Variants in CAPZA1 observed in about 807,000 individuals in gnomAD.
CAPZA1 encodes capping actin protein of muscle Z-line subunit alpha 1.
A neutral mutation model predicts 40.8 loss-of-function variants in CAPZA1; 10 were observed. The observed-to-expected ratio is 0.25, with a 90% CI of 0.15 to 0.42. The LOEUF is 0.42. Ranked by LOEUF, CAPZA1 falls within the 10% of genes least tolerant of loss-of-function variation. CAPZA1 has a pLI of 1.00. For missense variants in CAPZA1, 277 were observed against 353.8 expected (o/e 0.78, Z 1.74); for synonymous variants, 98 against 115.0 (o/e 0.85, Z 0.95).
intron 7 of CAPZA1, among the ~76,000 whole-genome samples, 181 bp downstream of exon 7, chr1:112,659,960 G>T (rs1437398943): frequency 6.6e-6 from 1 of 151,916 alleles, no homozygotes; most frequent in East Asian, 1.9e-4. Flanking sequence ...AGTTGATAAA[G>T]GATAGCATGT....
intron 8 of CAPZA1, among the ~76,000 whole-genome samples, chr1:112,668,673 A>G (rs1053122818): frequency 1.3e-4 from 20 of 152,008 alleles, no homozygotes; most frequent in African/African-American, 4.6e-4. Flanking sequence ...TTTAGTAGAG[A>G]CAGGGTTTCA....
rs1671804016 is a variant in CAPZA1, at chr1:112,670,351, A to C, written c.*219A>C. On this transcript the variant is annotated 3_prime_UTR_variant, in exon 10 of 10. Coordinates refer to ENST00000263168, the MANE Select transcript of CAPZA1 (RefSeq NM_006135.3). ...TCTGTTACTGCTATATCTACGTGTA[A>C]ATCTTTTTTTCTTTTTTTTTTTTTT... 3.1e-6 allele frequency: 1 copy of C among 322,794 alleles called. No individual in the cohort carries two copies. The highest frequency in any genetic ancestry group is 5.7e-5 in the Admixed American group (1 of 17,428). The allele number at this position is 322,794 out of a possible 1,614,324, so 20.0% of individuals were successfully genotyped here. A position where few individuals can be genotyped will look rare whatever the true frequency, so the allele number is the denominator to read the frequency against.
In CAPZA1 at chr1:112,670,354, CTTTTTTTCTTTTTT is replaced by C; in HGVS notation, c.*230_*243del. 1 of 130,142 alleles carries C rather than the reference CTTTTTTTCTTTTTT, an allele frequency of 7.7e-6. No homozygotes were observed. Among genetic ancestry groups the C allele is most frequent in the African/African-American group, 4.7e-5 (1 of 21,352 alleles). 8.1% of individuals were successfully genotyped at this position (130,142 alleles called of 1,614,324 possible). ...GTTACTGCTATATCTACGTGTAAAT[CTTTTTTTCTTTTTT>C]TTTTTTTTTTTTTGGTTAATTCTGC... On this transcript the variant is annotated 3_prime_UTR_variant, in exon 10 of 10. Coordinates refer to ENST00000263168, the MANE Select transcript of CAPZA1 (RefSeq NM_006135.3).
At chr1:112,662,711 T>C (rs1026520068) in intron 7 of CAPZA1, among the ~76,000 whole-genome samples, 6 of 151,792 alleles carry the variant, frequency 4.0e-5, no homozygotes, top group Admixed American at 2.0e-4. Flanking sequence ...GAATTTTTCA[T>C]TGAGATCAAA....
At chr1:112,632,578 C>T (rs184650864) in intron 1 of CAPZA1, among the ~76,000 whole-genome samples, 27 of 149,982 alleles carry the variant, frequency 1.8e-4, no homozygotes, top group African/African-American at 6.4e-4. Context: ...GGCAGGGAGG[C>T]GGGGTGGGGT....
chr1:112,638,974 A>C (rs1023315243), intron 1 of CAPZA1, among the ~76,000 whole-genome samples: 26 of 144,880 alleles, frequency 1.8e-4, no homozygotes, highest in Non-Finnish European at 3.3e-4. Context: ...ATAGAGAGAG[A>C]ATAATTTATA....
intron 1 of CAPZA1, among the ~76,000 whole-genome samples, chr1:112,634,281 G>A (rs17030597): frequency 0.011 from 1,704 of 152,152 alleles, 41 homozygotes; most frequent in East Asian, 0.094. Context: ...AAATATTTAC[G>A]GAGGCATAGT....
intron 1 of CAPZA1, chr1:112,646,658 TATTAA>T (rs1472190104): frequency 6.6e-6 from 1 of 152,200 alleles, no homozygotes; most frequent in Non-Finnish European, 1.5e-5. Context: ...GGTAGTCCTT[TATTAA>T]ATTAAAGGTG....
intron 3 of CAPZA1, chr1:112,649,729 T>G: frequency 2.1e-6 from 1 of 483,190 alleles, no homozygotes; most frequent in Non-Finnish European, 3.6e-6. Context: ...TAATGTTAGC[T>G]GTTAGGTTTT....
intron 7 of CAPZA1, among the ~76,000 whole-genome samples, chr1:112,662,426 T>TCTCG (rs1472265389): frequency 8.0e-6 from 1 of 124,878 alleles, no homozygotes; most frequent in African/African-American, 2.9e-5. Context: ...TGAGACAGAG[T>TCTCG]CTCGCTCTGT....
rs1671818739 is a variant in CAPZA1, at chr1:112,670,931, A to G, written c.*799A>G. On this transcript the variant is annotated 3_prime_UTR_variant, in exon 10 of 10. Transcript: ENST00000263168. ...TGCTGACGTACTGTGGATGTAGAGT[A>G]TAAAACTTGAAAAATGCAGATGTTG... is the stretch of plus-strand genomic sequence containing the variant. The G allele has an allele frequency of 6.5e-6, 1 of 152,692 alleles. No individual in the cohort carries two copies. The highest frequency in any genetic ancestry group is 2.4e-5 in the African/African-American group (1 of 41,468). 9.5% of individuals were successfully genotyped at this position (152,692 alleles called of 1,614,324 possible). A position where few individuals can be genotyped will look rare whatever the true frequency, so the allele number is the denominator to read the frequency against.
intron 1 of CAPZA1, among the ~76,000 whole-genome samples, chr1:112,637,166 T>G (rs1003759133): frequency 6.6e-6 from 1 of 152,256 alleles, no homozygotes; most frequent in Non-Finnish European, 1.5e-5. Flanking sequence ...GACAAGGCAC[T>G]TACACTCCCT....
At chr1:112,636,307 TTTATTA>T (rs1222453821) in intron 1 of CAPZA1, among the ~76,000 whole-genome samples, 1 of 152,198 alleles carries the variant, frequency 6.6e-6, no homozygotes, top group Non-Finnish European at 1.5e-5. Flanking sequence ...CAAGGATTGG[TTTATTA>T]TTATTTCCCC....
Position 112,633,396 on chromosome 1 carries a change from C to T in CAPZA1, c.39+13513C>T, listed in dbSNP as rs1670959136. 2.0e-5 allele frequency among the ~76,000 whole-genome samples: 3 copies of T among 152,126 alleles called. No individual in the cohort carries two copies. In the South Asian group the frequency reaches 6.2e-4, roughly 32 times the overall value. ...TTAGCATATATCTTTCAGGTCCATC[C>T]TTGTTGTTGCAAAAGACAGAATTTC... On this transcript the variant is annotated intron_variant, in intron 1 of 9. Coordinates refer to ENST00000263168, the MANE Select transcript of CAPZA1 (RefSeq NM_006135.3).
At chr1:112,651,584 A>G (rs538387483) in intron 3 of CAPZA1, among the ~76,000 whole-genome samples, 4 of 152,354 alleles carry the variant, frequency 2.6e-5, no homozygotes, top group South Asian at 2.1e-4. Flanking sequence ...GGCAGCTGGT[A>G]AAATGGAGAT....
chr1:112,638,064 T>TC (rs1191223461), intron 1 of CAPZA1, among the ~76,000 whole-genome samples: 2 of 152,006 alleles, frequency 1.3e-5, no homozygotes, highest in African/African-American at 4.8e-5. Flanking sequence ...AATAAAGCAG[T>TC]AAAAGGGCTA....
chr1:112,621,867 T>G (rs1266351258), intron 1 of CAPZA1, among the ~76,000 whole-genome samples: 1 of 150,350 alleles, frequency 6.7e-6, no homozygotes, highest in Non-Finnish European at 1.5e-5. Context: ...GTTCAAGCGA[T>G]TCTCCTGCCT....
chr1:112,631,182 G>A (rs12040988), intron 1 of CAPZA1, among the ~76,000 whole-genome samples: 30,020 of 152,156 alleles, frequency 0.2, 3,798 homozygotes, highest in East Asian at 0.47. Flanking sequence ...CCTACTCTTT[G>A]TCTTTATCTT....
chr1:112,628,836 C>G (rs1307825775), intron 1 of CAPZA1, among the ~76,000 whole-genome samples: 1 of 152,234 alleles, frequency 6.6e-6, no homozygotes, highest in African/African-American at 2.4e-5. Context: ...CTTTCACAAT[C>G]CACTTGTTGT....
Sources: gnomAD v4.1 joint callset for allele counts (sites outside exome capture counted in the v4.1 genomes callset) on GRCh38, gnomAD v4.1.1 for gene constraint, MANE v1.5 for transcripts, NCBI Gene and HGNC (gene_info 2026-07-23, HGNC 2026-07-21) for gene names.